The following KCNIP1 variants were observed in gnomAD, a reference collection of about 807,000 sequenced individuals.
The protein encoded by KCNIP1 is A-type potassium channel modulatory protein KCNIP1.
KCNIP1 carries 18 observed loss-of-function variants against 33.0 expected under a neutral mutation model. That is an observed-to-expected ratio of 0.55 (90% CI 0.38 to 0.81). The LOEUF (loss-of-function observed/expected upper bound fraction) is 0.81. Among genes scored for constraint, KCNIP1 ranks in the 30% least tolerant of loss-of-function variants. KCNIP1 has a pLI of 0.00. For missense variants in KCNIP1, 238 were observed against 271.6 expected, an observed-to-expected ratio of 0.88 and a Z score of 0.87; for synonymous variants, 93 against 98.3, an observed-to-expected ratio of 0.95 and a Z score of 0.32.
At chr5:170,408,371 A>G (rs1405217229) in intron 1 of KCNIP1, among the ~76,000 whole-genome samples, 8 of 152,220 alleles carry the variant, frequency 5.3e-5, no homozygotes, top group African/African-American at 9.6e-5. Flanking sequence ...GGGAATCTCC[A>G]TGGCTCAGCC....
chr5:170,481,027 G>A (rs983805720), intron 1 of KCNIP1, among the ~76,000 whole-genome samples: 6 of 151,926 alleles, frequency 3.9e-5, no homozygotes, highest in Non-Finnish European at 8.8e-5. Flanking sequence ...AAACCCTATC[G>A]CATTTGCCAT....
intron 1 of KCNIP1, among the ~76,000 whole-genome samples, chr5:170,412,996 C>T (rs952780160): frequency 2.6e-5 from 4 of 152,120 alleles, no homozygotes; most frequent in East Asian, 1.9e-4. Context: ...ACTGCAGTGG[C>T]GATTGTTGTC....
chr5:170,482,839 G>A (rs756780959), intron 1 of KCNIP1, among the ~76,000 whole-genome samples: 1 of 152,130 alleles, frequency 6.6e-6, no homozygotes, highest in African/African-American at 2.4e-5. Flanking sequence ...CTGAAACAGC[G>A]CTGGTGATGT....
At chr5:170,471,731 C>T (rs1031902505) in intron 1 of KCNIP1, among the ~76,000 whole-genome samples, 17 of 152,270 alleles carry the variant, frequency 1.1e-4, no homozygotes, top group Middle Eastern at 6.8e-3. Context: ...CTCTTCTCCA[C>T]CCTGGGGCCT....
intron 1 of KCNIP1, among the ~76,000 whole-genome samples, chr5:170,425,142 G>C (rs1755584036): frequency 6.6e-6 from 1 of 152,100 alleles, no homozygotes; most frequent in South Asian, 2.1e-4. Context: ...ACTGAACACT[G>C]TCTCTATTTC....
At chr5:170,586,000 A>G (rs1170034934) in intron 1 of KCNIP1, among the ~76,000 whole-genome samples, 1 of 152,190 alleles carries the variant, frequency 6.6e-6, no homozygotes, top group Non-Finnish European at 1.5e-5. Flanking sequence ...TTGGGGTTAG[A>G]TGTATCTGCT....
intron 1 of KCNIP1, among the ~76,000 whole-genome samples, chr5:170,388,406 A>T (rs545338389): frequency 6.6e-6 from 1 of 152,206 alleles, no homozygotes; most frequent in African/African-American, 2.4e-5. Flanking sequence ...ACAGAAAGAA[A>T]AGGAAGAAGT....
intron 1 of KCNIP1, among the ~76,000 whole-genome samples, chr5:170,598,889 C>CTGTGTGTGTGCG (rs1193319687): frequency 1.4e-5 from 2 of 141,732 alleles, no homozygotes; most frequent in African/African-American, 2.7e-5. Flanking sequence ...CATAGCCCCG[C>CTGTGTGTGTGCG]TGTGTGTGTG....
At chr5:170,589,766 T>C (rs1758147956) in intron 1 of KCNIP1, among the ~76,000 whole-genome samples, 2 of 129,686 alleles carry the variant, frequency 1.5e-5, no homozygotes, top group African/African-American at 2.8e-5. Flanking sequence ...TGGTGTGGTG[T>C]GGTGTGGTGT....
intron 1 of KCNIP1, among the ~76,000 whole-genome samples, chr5:170,690,621 A>G (rs1485788484): frequency 6.6e-6 from 1 of 152,232 alleles, no homozygotes; most frequent in Admixed American, 6.5e-5. Flanking sequence ...GGGCACCCTC[A>G]CTTCCACGTC....
intron 1 of KCNIP1, among the ~76,000 whole-genome samples, chr5:170,675,411 A>C (rs1762094248): frequency 6.6e-6 from 1 of 152,180 alleles, no homozygotes; most frequent in Non-Finnish European, 1.5e-5. Context: ...CGAGGTCAGG[A>C]GATCAAGACC....
intron 1 of KCNIP1, among the ~76,000 whole-genome samples, chr5:170,469,803 C>G (rs1029390581): frequency 6.6e-6 from 1 of 152,202 alleles, no homozygotes; most frequent in Non-Finnish European, 1.5e-5. Context: ...CCATTGATCT[C>G]TCTGTCCTTG....
intron 1 of KCNIP1, among the ~76,000 whole-genome samples, chr5:170,570,554 C>T (rs990730527): frequency 6.6e-6 from 1 of 152,172 alleles, no homozygotes; most frequent in African/African-American, 2.4e-5. Context: ...CAAATCTTAT[C>T]AAATATTAAA....
intron 1 of KCNIP1, among the ~76,000 whole-genome samples, chr5:170,482,185 A>G (rs568457017): frequency 6.6e-6 from 1 of 152,256 alleles, no homozygotes; most frequent in South Asian, 2.1e-4. Flanking sequence ...GATAACAGGA[A>G]AGACACTTCT....
chr5:170,484,283 C>T (rs540910254), intron 1 of KCNIP1: 1 of 152,424 alleles, frequency 6.6e-6, no homozygotes, highest in Non-Finnish European at 1.5e-5. Context: ...AGATGAGTCA[C>T]CTCACAAATA....
intron 1 of KCNIP1, among the ~76,000 whole-genome samples, chr5:170,557,450 C>T (rs1386469526): frequency 6.6e-6 from 1 of 152,194 alleles, no homozygotes; most frequent in African/African-American, 2.4e-5. Flanking sequence ...CTGCCTCCCC[C>T]TGCATTCTTC....
chr5:170,534,758 G>A (rs991762540), intron 1 of KCNIP1, among the ~76,000 whole-genome samples: 2 of 151,896 alleles, frequency 1.3e-5, no homozygotes, highest in African/African-American at 4.8e-5. Context: ...CTGGGCTCAA[G>A]TGATCCTCCC....
chr5:170,478,948 C>T (rs1756916906), intron 1 of KCNIP1, among the ~76,000 whole-genome samples: 1 of 151,840 alleles, frequency 6.6e-6, no homozygotes, highest in Non-Finnish European at 1.5e-5. Flanking sequence ...AGGGCATTTG[C>T]TCCCAAATGT....
intron 1 of KCNIP1, among the ~76,000 whole-genome samples, chr5:170,610,282 A>G (rs1759094413): frequency 6.6e-6 from 1 of 152,240 alleles, no homozygotes; most frequent in Admixed American, 6.5e-5. Context: ...GATATCGCAG[A>G]GAAATTTCTG....
Sources: gnomAD v4.1 joint callset for allele counts (sites outside exome capture counted in the v4.1 genomes callset) on GRCh38, gnomAD v4.1.1 for gene constraint, MANE v1.5 for transcripts, NCBI Gene and HGNC (gene_info 2026-07-23, HGNC 2026-07-21) for gene names.